Variants in TRNAU1AP observed in about 807,000 individuals in gnomAD.
TRNAU1AP encodes the protein tRNA selenocysteine 1-associated protein 1.
In TRNAU1AP, 33 loss-of-function variants were observed where a neutral mutation model predicts 43.3. The ratio of observed to expected loss-of-function variants is 0.76; its 90% CI spans 0.58 to 1.02. The LOEUF (loss-of-function observed/expected upper bound fraction) is 1.02, where lower values mean the gene tolerates loss of function less well. TRNAU1AP is among the 50% of genes least tolerant of loss of function. The probability of loss-of-function intolerance (pLI) is 0.00; values close to 1 mark genes in which losing one functional copy is unlikely to be tolerated. For synonymous variants in TRNAU1AP, 143 were observed against 129.1 expected (o/e 1.11, Z -0.73); for missense variants, 290 against 362.7 (o/e 0.80, Z 1.63).
In TRNAU1AP at chr1:28,578,380, TG is replaced by T. The variant is rs1665860745; in HGVS notation, c.*747del. Reference sequence around the variant, plus strand: ...GAAACTGTCCAACCTTGTCATGTGTTGGGACTTACTGCTTGAGGCAAAGCAT... The same window carrying T: ...GAAACTGTCCAACCTTGTCATGTGTTGGACTTACTGCTTGAGGCAAAGCAT... On this transcript the variant is annotated 3_prime_UTR_variant, in exon 9 of 9. Coordinates refer to ENST00000373830, the MANE Select transcript of TRNAU1AP (RefSeq NM_017846.5). 5.4e-6 allele frequency: 1 copy of T among 184,432 alleles called. No homozygotes were observed. The highest frequency in any genetic ancestry group is 1.1e-5 in the Non-Finnish European group (1 of 88,434). The allele number at this position is 184,432 out of a possible 1,614,324, so 11.4% of individuals were successfully genotyped here.
At chr1:28,558,489 G>T (rs1163272566) in intron 2 of TRNAU1AP, among the ~76,000 whole-genome samples, 1 of 151,146 alleles carries the variant, frequency 6.6e-6, no homozygotes, top group South Asian at 2.1e-4. Context: ...CGCCTCCCGC[G>T]TTCAGGCAAT....
intron 8 of TRNAU1AP, among the ~76,000 whole-genome samples, chr1:28,575,248 A>G (rs1570260737): frequency 6.6e-6 from 1 of 151,642 alleles, no homozygotes; most frequent in East Asian, 1.9e-4. Context: ...TCTGCCTCAC[A>G]GGTTCAAGCG....
chr1:28,553,425 G>A (rs1665178785), intron 1 of TRNAU1AP: 3 of 622,702 alleles, frequency 4.8e-6, no homozygotes, highest in South Asian at 4.0e-5. Flanking sequence ...TGGGACCGGA[G>A]GAGTGGGGTT....
At chr1:28,577,361 G>C (rs1468784398) in intron 8 of TRNAU1AP, 139 bp from the exon 9 acceptor site, 1 of 875,802 alleles carries the variant, frequency 1.1e-6, no homozygotes, top group Non-Finnish European at 1.8e-6. Context: ...AACCCTGCAA[G>C]GCAGTGCTTT....
intron 6 of TRNAU1AP, among the ~76,000 whole-genome samples, chr1:28,569,802 T>C (rs61786020): frequency 3.2e-5 from 4 of 126,848 alleles, no homozygotes; most frequent in Admixed American, 8.9e-5. Flanking sequence ...CTGGCTAACA[T>C]GGTGAAACCC....
intron 6 of TRNAU1AP, among the ~76,000 whole-genome samples, chr1:28,570,807 C>T (rs1229421382): frequency 6.6e-6 from 1 of 151,908 alleles, no homozygotes; most frequent in Non-Finnish European, 1.5e-5. Flanking sequence ...AATTGGTGGC[C>T]GGGCTCCCAG....
chr1:28,575,455 G>GTTTTTTTTT (rs778900360), intron 8 of TRNAU1AP, among the ~76,000 whole-genome samples: 1 of 137,854 alleles, frequency 7.3e-6, no homozygotes. Context: ...CAGGCCCAAT[G>GTTTTTTTTT]TTTTTTTTTG....
At chr1:28,563,823 G>A (rs573166258) in intron 4 of TRNAU1AP, among the ~76,000 whole-genome samples, 1 of 152,164 alleles carries the variant, frequency 6.6e-6, no homozygotes, top group Non-Finnish European at 1.5e-5. Context: ...CTGCACTCCA[G>A]CCTAGGTGAC....
intron 6 of TRNAU1AP, 148 bp downstream of exon 6, chr1:28,567,561 C>A: frequency 1.0e-6 from 1 of 965,310 alleles, no homozygotes; most frequent in Non-Finnish European, 1.5e-6. Context: ...TGCTGTTTGC[C>A]AGGCTGTGGG....
intron 4 of TRNAU1AP, among the ~76,000 whole-genome samples, chr1:28,562,066 G>A (rs1427865359): frequency 1.3e-5 from 2 of 152,194 alleles, no homozygotes; most frequent in Non-Finnish European, 2.9e-5. Context: ...CTGGGCAACA[G>A]AGTGAGACCC....
intron 2 of TRNAU1AP, among the ~76,000 whole-genome samples, chr1:28,554,748 G>A (rs1229467631): frequency 6.6e-6 from 1 of 151,674 alleles, no homozygotes; most frequent in Non-Finnish European, 1.5e-5. Context: ...GGGGGCTGAG[G>A]CAGGAGAATG....
intron 6 of TRNAU1AP, among the ~76,000 whole-genome samples, chr1:28,568,813 ATTT>A (rs34038529): frequency 2.2e-5 from 3 of 138,068 alleles, no homozygotes; most frequent in African/African-American, 5.3e-5. Flanking sequence ...TAGTTGAACT[ATTT>A]TTTTTTTTTT....
chr1:28,561,898 C>T (rs1464178557), intron 4 of TRNAU1AP, among the ~76,000 whole-genome samples: 1 of 152,170 alleles, frequency 6.6e-6, no homozygotes, highest in Non-Finnish European at 1.5e-5. Flanking sequence ...CGGTGAAACC[C>T]CGTCTCTACT....
In TRNAU1AP at chr1:28,577,642, C is replaced by T. The variant is rs200795591; in HGVS notation, c.*6C>T. On this transcript the variant is annotated 3_prime_UTR_variant, in exon 9 of 9. Coordinates refer to ENST00000373830, the MANE Select transcript of TRNAU1AP (RefSeq NM_017846.5). ...AGATCCCTGCCATGATGTAGCCAGG[C>T]CAAAGGACAAGCCAGGTTGCATGAT... 1.2e-6 allele frequency: 2 copies of T among 1,612,424 alleles called. No individual in the cohort carries two copies. Among genetic ancestry groups the T allele is most frequent in the Non-Finnish European group, 1.7e-6 (2 of 1,179,370 alleles).
intron 4 of TRNAU1AP, among the ~76,000 whole-genome samples, chr1:28,563,957 A>G (rs1210140396): frequency 6.6e-6 from 1 of 152,064 alleles, no homozygotes; most frequent in Non-Finnish European, 1.5e-5. Context: ...GATTTGTATC[A>G]CCCACAAGCT....
rs1665842628 is a variant in TRNAU1AP at position 28,578,042 on chromosome 1, G to GTGCAAGTC, written c.*409_*416dup. The GTGCAAGTC allele has an allele frequency of 6.2e-6, 1 of 162,188 alleles. No individual in the cohort carries two copies. Among genetic ancestry groups the GTGCAAGTC allele is most frequent in the Non-Finnish European group, 1.3e-5 (1 of 74,480 alleles). The allele number at this position is 162,188 out of a possible 1,614,324, so 10.0% of individuals were successfully genotyped here. A position where few individuals can be genotyped will look rare whatever the true frequency, so the allele number is the denominator to read the frequency against. ...CCTGCCATATTTGAGTCCTAACTTG[G>GTGCAAGTC]TGCAAGTCTGGCAGCTAGGTAGAAA... On this transcript the variant is annotated 3_prime_UTR_variant, in exon 9 of 9. Transcript: ENST00000373830.
At chr1:28,562,445 CA>C (rs1280565502) in intron 4 of TRNAU1AP, among the ~76,000 whole-genome samples, 1 of 152,020 alleles carries the variant, frequency 6.6e-6, no homozygotes, top group African/African-American at 2.4e-5. Flanking sequence ...ATACTAGAAA[CA>C]AAATACGATG....
chr1:28,574,638 A>G (rs1249272899), intron 8 of TRNAU1AP: 1 of 152,118 alleles, frequency 6.6e-6, no homozygotes, highest in East Asian at 1.9e-4. Flanking sequence ...TCCTAGGTTC[A>G]AGTGATCTGC....
At position 28,553,106 on chromosome 1, in the gene TRNAU1AP, C is replaced by T. The variant is rs781667226; in HGVS notation, c.-5C>T. ...GCCCGCAAAGCCCCACCCCGGTGCGCGGGTATGGCGGCCAGCCTGTGGATG... is the reference window on the plus strand; with the variant it reads ...GCCCGCAAAGCCCCACCCCGGTGCGTGGGTATGGCGGCCAGCCTGTGGATG... On this transcript the variant is annotated 5_prime_UTR_variant, in exon 1 of 9. Coordinates refer to ENST00000373830, the MANE Select transcript of TRNAU1AP (RefSeq NM_017846.5). 4 of 1,519,414 alleles carry T rather than the reference C, an allele frequency of 2.6e-6. No individual in the cohort carries two copies. The highest frequency in any genetic ancestry group is 2.6e-5 in the East Asian group (1 of 38,552). The allele number at this position is 1,519,414 out of a possible 1,614,324, so 94.1% of individuals were successfully genotyped here.
Sources: gnomAD v4.1 joint callset for allele counts (sites outside exome capture counted in the v4.1 genomes callset) on GRCh38, gnomAD v4.1.1 for gene constraint, MANE v1.5 for transcripts, NCBI Gene and HGNC (gene_info 2026-07-23, HGNC 2026-07-21) for gene names.